Variants in CTBP2 observed in about 807,000 individuals in gnomAD.
CTBP2 encodes C-terminal-binding protein 2.
Under a neutral mutation model 80.3 loss-of-function variants are expected in CTBP2, and 30 were observed. The observed-to-expected ratio is 0.37, with a 90% confidence interval of 0.28 to 0.51. The LOEUF (loss-of-function observed/expected upper bound fraction) is 0.51, where lower values mean the gene tolerates loss of function less well. Among genes scored for constraint, CTBP2 ranks in the 20% least tolerant of loss-of-function variants. The probability of loss-of-function intolerance (pLI) is 0.93; values close to 1 mark genes in which losing one functional copy is unlikely to be tolerated. For missense variants in CTBP2, 1,212 were observed against 1,375.3 expected (o/e 0.88, Z 1.88); for synonymous variants, 594 against 587.4 (o/e 1.01, Z -0.16).
At chr10:125,121,633 C>G (rs1854337073) in intron 1 of CTBP2, among the ~76,000 whole-genome samples, 1 of 152,222 alleles carries the variant, frequency 6.6e-6, no homozygotes, top group African/African-American at 2.4e-5. Flanking sequence ...CACCCAAAGA[C>G]AGAACTGAAT....
chr10:125,136,175 A>C (rs1202633252), intron 1 of CTBP2, among the ~76,000 whole-genome samples: 1 of 152,198 alleles, frequency 6.6e-6, no homozygotes, highest in Non-Finnish European at 1.5e-5. Flanking sequence ...ATGAGAACGA[A>C]GGGGCTGGAG....
chr10:125,025,013 G>A lies in CTBP2; in HGVS notation c.1678+1069C>T, dbSNP rs116866529. ...TAGCACACACGGGCCACACAGCGAT[G>A]GCAGAGAAACTTAAGGTGGTCTCTG... On this transcript the variant is annotated intron_variant, in intron 1 of 8. Coordinates refer to ENST00000309035, the MANE Select transcript of CTBP2 (RefSeq NM_022802.3). 9.3e-3 allele frequency among the ~76,000 whole-genome samples: 1,419 copies of A among 152,222 alleles called. 11 individuals carry two copies. Among genetic ancestry groups the A allele is most frequent in the Middle Eastern group, 0.017 (5 of 294 alleles).
intron 1 of CTBP2, among the ~76,000 whole-genome samples, chr10:125,114,308 G>A (rs1247129853): frequency 1.3e-5 from 2 of 152,232 alleles, no homozygotes; most frequent in East Asian, 1.9e-4. Context: ...ATCAACCTGC[G>A]TGAACTTATT....
intron 1 of CTBP2, chr10:125,005,634 C>T (rs759925796): frequency 1.4e-5 from 23 of 1,612,816 alleles, no homozygotes; most frequent in African/African-American, 2.7e-5. Flanking sequence ...GCAACAGCAC[C>T]GTCACCTGAC....
At chr10:125,134,056 G>A (rs1352794000) in intron 1 of CTBP2, among the ~76,000 whole-genome samples, 1 of 152,196 alleles carries the variant, frequency 6.6e-6, no homozygotes, top group Non-Finnish European at 1.5e-5. Context: ...GATTTGAAAA[G>A]GACACGATCA....
intron 2 of CTBP2, among the ~76,000 whole-genome samples, chr10:125,087,978 T>C (rs1848242243): frequency 6.6e-6 from 1 of 152,134 alleles, no homozygotes; most frequent in Non-Finnish European, 1.5e-5. Context: ...GTGCCTGAGT[T>C]ACTTTCCTGC....
chr10:125,068,549 G>A (rs1352422063), intron 2 of CTBP2, among the ~76,000 whole-genome samples: 1 of 152,210 alleles, frequency 6.6e-6, no homozygotes, highest in Non-Finnish European at 1.5e-5. Context: ...GGAAGGCCAG[G>A]AAGGAGCAAG....
chr10:125,096,959 T>C (rs1021581660), intron 2 of CTBP2, among the ~76,000 whole-genome samples: 2 of 152,240 alleles, frequency 1.3e-5, no homozygotes, highest in Non-Finnish European at 2.9e-5. Context: ...AGTGTATCTG[T>C]AATGAAAAAA....
At chr10:124,996,051 T>TTTTG (rs1953486367) in intron 4 of CTBP2, 1 of 98,280 alleles carries the variant, frequency 1.0e-5, no homozygotes, top group African/African-American at 2.8e-5. Context: ...TTTCTTTGTT[T>TTTTG]TTTTTTTTTT....
intron 2 of CTBP2, among the ~76,000 whole-genome samples, chr10:125,084,329 C>T (rs3889986): frequency 7.2e-5 from 11 of 152,106 alleles, no homozygotes; most frequent in African/African-American, 1.9e-4. Flanking sequence ...AGAAGCTGCA[C>T]GGAGAACGGT....
chr10:125,096,207 T>C (rs1357432725), intron 2 of CTBP2, among the ~76,000 whole-genome samples: 2 of 152,254 alleles, frequency 1.3e-5, no homozygotes, highest in Non-Finnish European at 2.9e-5. Context: ...TACTCAATTA[T>C]GTAGCCCCAC....
At chr10:125,114,157 T>G (rs1852778106) in intron 1 of CTBP2, among the ~76,000 whole-genome samples, 1 of 152,160 alleles carries the variant, frequency 6.6e-6, no homozygotes, top group African/African-American at 2.4e-5. Flanking sequence ...ACTTAGCTGA[T>G]TAAAATCACC....
At chr10:125,025,621 C>T (rs1957457205) in intron 1 of CTBP2, among the ~76,000 whole-genome samples, 1 of 152,286 alleles carries the variant, frequency 6.6e-6, no homozygotes, top group South Asian at 2.1e-4. Flanking sequence ...GTGAGAGGTA[C>T]GTTTCCACAC....
At chr10:125,159,807 G>A (rs1214753809) in intron 1 of CTBP2, 1 of 150,738 alleles carries the variant, frequency 6.6e-6, no homozygotes, top group Non-Finnish European at 1.5e-5. Context: ...TCCCCGCGGC[G>A]CGTCGCGCGC....
intron 1 of CTBP2, among the ~76,000 whole-genome samples, chr10:125,152,352 G>A (rs1446119938): frequency 1.3e-5 from 2 of 152,176 alleles, no homozygotes; most frequent in Non-Finnish European, 1.5e-5. Context: ...GCGGCCAGGT[G>A]TGGCGGACTG....
At chr10:125,161,314 G>A (rs1861876764), upstream of CTBP2, 1 of 152,078 alleles carries the variant, frequency 6.6e-6, no homozygotes, top group South Asian at 2.1e-4. Flanking sequence ...CAGGGGCCGA[G>A]GTCCTGTCGC....
intron 2 of CTBP2, among the ~76,000 whole-genome samples, chr10:125,085,177 A>G (rs11245496): frequency 0.14 from 21,794 of 152,254 alleles, 1,631 homozygotes; most frequent in Middle Eastern, 0.18. Context: ...GATTGCAAAC[A>G]GCTGCCGAGT....
rs1953889727 is a variant in CTBP2, at chr10:124,998,073, C to T, written c.2076G>A (p.Leu692=). ...GCGTGCCTTCCCGCAGTGCCTGGTA[C>T]AGCCACGTGTTCCTCCGGTACAGGT... Residue 692 remains leucine (L), a synonymous_variant, in exon 4 of 9, where the codon CTG becomes CTA. Coordinates refer to ENST00000309035, the MANE Select transcript of CTBP2 (RefSeq NM_022802.3). The T allele has an allele frequency of 6.2e-7, 1 of 1,613,118 alleles. No individual in the cohort carries two copies.
chr10:125,144,603 T>C (rs117228227), intron 1 of CTBP2, among the ~76,000 whole-genome samples: 3,286 of 152,240 alleles, frequency 0.022, 56 homozygotes, highest in Non-Finnish European at 0.034. Flanking sequence ...CCAAATCCGC[T>C]TGCATCATGA....
Sources: gnomAD v4.1 joint callset for allele counts (sites outside exome capture counted in the v4.1 genomes callset) on GRCh38, gnomAD v4.1.1 for gene constraint, MANE v1.5 for transcripts, NCBI Gene and HGNC (gene_info 2026-07-23, HGNC 2026-07-21) for gene names.